The following NAALADL2 variants were observed in gnomAD, a reference collection of about 807,000 sequenced individuals.
The protein encoded by NAALADL2 is N-acetylated alpha-linked acidic dipeptidase like 2, also known as inactive N-acetylated-alpha-linked acidic dipeptidase-like protein 2.
Under a neutral mutation model 87.2 loss-of-function variants are expected in NAALADL2, and 76 were observed. That is an observed-to-expected ratio of 0.87 (90% CI 0.72 to 1.05). The LOEUF (loss-of-function observed/expected upper bound fraction) is 1.05. Among genes scored for constraint, NAALADL2 ranks in the 50% least tolerant of loss-of-function variants. The pLI, the probability that NAALADL2 is intolerant of heterozygous loss-of-function variation, is 0.00. For missense variants in NAALADL2, 1,089 were observed against 945.8 expected (o/e 1.15, Z -1.99); for synonymous variants, 354 against 331.0 (o/e 1.07, Z -0.75).
intron 1 of NAALADL2, among the ~76,000 whole-genome samples, chr3:175,068,085 T>G (rs945161612): frequency 6.6e-6 from 1 of 151,968 alleles, no homozygotes; most frequent in African/African-American, 2.4e-5. Flanking sequence ...TAGGAACTAT[T>G]ACAGTCGGGG....
At chr3:175,464,162 T>C (rs913465030) in intron 7 of NAALADL2, among the ~76,000 whole-genome samples, 4 of 151,934 alleles carry the variant, frequency 2.6e-5, no homozygotes, top group African/African-American at 9.7e-5. Context: ...TTTAATGATT[T>C]TTTTTTTTAA....
chr3:175,339,748 C>A (rs1455772878), intron 5 of NAALADL2, among the ~76,000 whole-genome samples: 1 of 152,132 alleles, frequency 6.6e-6, no homozygotes, highest in Non-Finnish European at 1.5e-5. Context: ...GACAAAATAT[C>A]TTTTGATATA....
intron 1 of NAALADL2, among the ~76,000 whole-genome samples, chr3:174,897,831 C>T (rs1244764947): frequency 2.0e-5 from 3 of 150,298 alleles, no homozygotes; most frequent in Non-Finnish European, 2.9e-5. Context: ...AGAATGAGAT[C>T]GGCCGGGCGC....
intron 7 of NAALADL2, among the ~76,000 whole-genome samples, chr3:175,466,225 A>G (rs1156612354): frequency 1.3e-5 from 2 of 152,304 alleles, no homozygotes; most frequent in East Asian, 3.9e-4. Context: ...GCTCAGATAA[A>G]TTCAGATATG....
At chr3:174,816,108 G>A (rs1579050134) in intron 3 of NAALADL2, among the ~76,000 whole-genome samples, 1 of 151,798 alleles carries the variant, frequency 6.6e-6, no homozygotes, top group African/African-American at 2.4e-5. Flanking sequence ...TATGTCCATA[G>A]GTTATGATTA....
intron 5 of NAALADL2, among the ~76,000 whole-genome samples, chr3:175,395,495 A>G (rs1769659289): frequency 6.6e-6 from 1 of 152,130 alleles, no homozygotes; most frequent in Non-Finnish European, 1.5e-5. Context: ...AAATTGAAAT[A>G]GACTAATGGA....
chr3:174,973,381 C>G (rs1250176665), intron 1 of NAALADL2, among the ~76,000 whole-genome samples: 1 of 152,052 alleles, frequency 6.6e-6, no homozygotes, highest in Non-Finnish European at 1.5e-5. Flanking sequence ...TTTAGTCAGT[C>G]TTATTAAAAT....
At chr3:174,661,453 C>CTA (rs916574383) in intron 2 of NAALADL2, among the ~76,000 whole-genome samples, 1 of 152,074 alleles carries the variant, frequency 6.6e-6, no homozygotes, top group Admixed American at 6.6e-5. Flanking sequence ...TAACTTTTTA[C>CTA]TATAGTTACT....
At chr3:175,130,943 A>G (rs1040967292) in intron 2 of NAALADL2, among the ~76,000 whole-genome samples, 9 of 152,182 alleles carry the variant, frequency 5.9e-5, no homozygotes. Context: ...TCTGTGACAA[A>G]TGCCATTGGA....
chr3:175,413,421 A>G (rs185573596), intron 5 of NAALADL2, among the ~76,000 whole-genome samples: 319 of 151,412 alleles, frequency 2.1e-3, no homozygotes, highest in African/African-American at 7.5e-3. Flanking sequence ...AGTACAAAAA[A>G]TTGGCCGGGC....
chr3:174,930,648 G>T (rs1316310670), intron 1 of NAALADL2, among the ~76,000 whole-genome samples: 1 of 64,646 alleles, frequency 1.5e-5, no homozygotes, highest in Non-Finnish European at 2.6e-5. Flanking sequence ...TTGAGACAGA[G>T]TCTCACTCTG....
At chr3:174,466,751 C>G (rs1032081820) in intron 1 of NAALADL2, among the ~76,000 whole-genome samples, 2 of 152,146 alleles carry the variant, frequency 1.3e-5, no homozygotes, top group Non-Finnish European at 2.9e-5. Flanking sequence ...TGAGGACTTT[C>G]TCTTCATTAT....
chr3:175,671,858 C>A (rs1027167644), intron 11 of NAALADL2, among the ~76,000 whole-genome samples: 2 of 151,988 alleles, frequency 1.3e-5, no homozygotes, highest in African/African-American at 4.8e-5. Flanking sequence ...CAGAATGAAT[C>A]ATTGAAACTA....
intron 1 of NAALADL2, among the ~76,000 whole-genome samples, chr3:174,521,504 C>T (rs116088262): frequency 0.06 from 8,465 of 142,072 alleles, 346 homozygotes; most frequent in South Asian, 0.11. Flanking sequence ...CCTGGGAGAC[C>T]GAGGTTGCAA....
chr3:175,179,919 T>C (rs1450307381), intron 2 of NAALADL2, among the ~76,000 whole-genome samples: 1 of 152,020 alleles, frequency 6.6e-6, no homozygotes, highest in Non-Finnish European at 1.5e-5. Flanking sequence ...TCGGTATGCA[T>C]AGATTTTTGT....
intron 2 of NAALADL2, among the ~76,000 whole-genome samples, chr3:174,691,750 A>G (rs557391020): frequency 6.6e-6 from 1 of 152,340 alleles, no homozygotes; most frequent in Non-Finnish European, 1.5e-5. Context: ...TGCTTTAAAA[A>G]GTAAGTTTAT....
At chr3:174,591,210 T>C (rs1421965190) in intron 2 of NAALADL2, among the ~76,000 whole-genome samples, 1 of 152,230 alleles carries the variant, frequency 6.6e-6, no homozygotes, top group Non-Finnish European at 1.5e-5. Flanking sequence ...CTTCTGACAA[T>C]ACGGCCTTGA....
At chr3:174,812,280 A>T (rs1720304463) in intron 3 of NAALADL2, among the ~76,000 whole-genome samples, 2 of 152,154 alleles carry the variant, frequency 1.3e-5, no homozygotes, top group South Asian at 4.1e-4. Context: ...GACCACGTAT[A>T]TGAGAATAGT....
At chr3:174,991,331 T>C (rs1479269134) in intron 1 of NAALADL2, among the ~76,000 whole-genome samples, 4 of 152,138 alleles carry the variant, frequency 2.6e-5, no homozygotes, top group Non-Finnish European at 4.4e-5. Context: ...CTTTTAATAT[T>C]CTTTAGAGGC....
Sources: allele counts gnomAD v4.1 joint callset (sites outside exome capture counted in the v4.1 genomes callset), GRCh38; gene constraint gnomAD v4.1.1; transcripts MANE v1.5; gene names NCBI Gene and HGNC (gene_info 2026-07-23, HGNC 2026-07-21).